RAB37: variants seen among roughly 807,000 people sequenced by gnomAD.
RAB37 encodes the protein ras-related protein Rab-37.
A neutral mutation model predicts 33.1 loss-of-function variants in RAB37; 29 were observed. The ratio of observed to expected loss-of-function variants is 0.88; its 90% CI spans 0.65 to 1.20. The LOEUF is 1.20. RAB37 is among the 50% of genes most tolerant of loss of function. RAB37 has a pLI of 0.00. For synonymous variants in RAB37, 128 were observed against 119.5 expected, an observed-to-expected ratio of 1.07 and a Z score of -0.47; for missense variants, 299 against 301.1, an observed-to-expected ratio of 0.99 and a Z score of 0.05.
At chr17:74,740,210 C>CAA (rs547885619) in intron 1 of RAB37, among the ~76,000 whole-genome samples, 6 of 141,964 alleles carry the variant, frequency 4.2e-5, no homozygotes, top group East Asian at 2.0e-4. Flanking sequence ...TGTTGTGACA[C>CAA]AAAAAAAAAA....
At chr17:74,736,950 C>G (rs2034485291), upstream of RAB37, 44 of 1,523,974 alleles carry the variant, frequency 2.9e-5, no homozygotes, top group South Asian at 4.4e-4. Context: ...AGACGGGGTC[C>G]CCGCGGCCCG....
intron 1 of RAB37, among the ~76,000 whole-genome samples, chr17:74,698,184 T>C (rs2032689154): frequency 6.6e-6 from 1 of 152,130 alleles, no homozygotes; most frequent in Non-Finnish European, 1.5e-5. Flanking sequence ...TGCCAAAACC[T>C]CCTGGGGCTC....
At chr17:74,741,210 C>T (rs1232713271) in intron 2 of RAB37, among the ~76,000 whole-genome samples, 1 of 152,092 alleles carries the variant, frequency 6.6e-6, no homozygotes, top group African/African-American at 2.4e-5. Flanking sequence ...CATTGCTCTC[C>T]TACCTGGGCC....
At chr17:74,689,821 A>G (rs1302776574) in intron 1 of RAB37, among the ~76,000 whole-genome samples, 1 of 144,546 alleles carries the variant, frequency 6.9e-6, no homozygotes, top group African/African-American at 2.5e-5. Flanking sequence ...TATCTTACTC[A>G]TGGATTTTGG....
At chr17:74,682,085 T>G (rs2031965887) in intron 1 of RAB37, among the ~76,000 whole-genome samples, 1 of 152,228 alleles carries the variant, frequency 6.6e-6, no homozygotes, top group Non-Finnish European at 1.5e-5. Context: ...AAAACTTGCA[T>G]ATAAATCATT....
At chr17:74,708,656 C>T (rs2033706652) in intron 1 of RAB37, among the ~76,000 whole-genome samples, 1 of 152,328 alleles carries the variant, frequency 6.6e-6, no homozygotes, top group East Asian at 1.9e-4. Flanking sequence ...GTGGCTTACA[C>T]CGGTAATCCC....
chr17:74,716,032 C>T lies in RAB37; in HGVS notation c.73-13224C>T, dbSNP rs562753888. Reference sequence around the variant, plus strand: ...TGGGTAACTGAGCAACACACTGTCTCAAAAAGAAAAAGCAGAGAATTCGCC... The same window carrying T: ...TGGGTAACTGAGCAACACACTGTCTTAAAAAGAAAAAGCAGAGAATTCGCC... On this transcript the variant is annotated intron_variant, in intron 1 of 7. Transcript: ENST00000340415. 1.1e-3 allele frequency among the ~76,000 whole-genome samples: 160 copies of T among 152,222 alleles called. 1 individual carries two copies. Among genetic ancestry groups the T allele is most frequent in the African/African-American group, 3.5e-3 (146 of 41,534 alleles).
chr17:74,735,580 A>G (rs115815846), upstream of RAB37, among the ~76,000 whole-genome samples: 1,062 of 152,316 alleles, frequency 7.0e-3, 11 homozygotes, highest in African/African-American at 0.024. Context: ...ATTTGCAGCA[A>G]GAGCCTCTGG....
Position 74,730,329 on chromosome 17 carries a change from G to A in RAB37, c.183+963G>A, listed in dbSNP as rs1390371593. Among the ~76,000 whole-genome samples, 1 of 152,180 alleles carries A rather than the reference G, an allele frequency of 6.6e-6. No homozygotes were observed. Among genetic ancestry groups the A allele is most frequent in the Admixed American group, 6.5e-5 (1 of 15,290 alleles). ...TCACGCTCAGGGTCAGGACGCAGCA[G>A]TGCCACACTGATGGGAAGAGAGAGA... On this transcript the variant is annotated intron_variant, in intron 2 of 7. Transcript: ENST00000340415. This position sits in a 1 kb window ranked among gnomAD's most constrained non-coding sequence, Gnocchi z 4.4.
chr17:74,724,472 G>A (rs774209232), intron 1 of RAB37, among the ~76,000 whole-genome samples: 2 of 152,186 alleles, frequency 1.3e-5, no homozygotes, highest in Non-Finnish European at 2.9e-5. Flanking sequence ...GATTTTGGGG[G>A]CCTAAGATAT....
upstream of RAB37, chr17:74,736,758 A>G (rs1195089029): frequency 2.6e-6 from 4 of 1,535,510 alleles, no homozygotes; most frequent in East Asian, 4.9e-5. Flanking sequence ...AAACAAAACT[A>G]TATTCAGATG....
chr17:74,719,779 A>G (rs966152290), intron 1 of RAB37, among the ~76,000 whole-genome samples: 5 of 152,200 alleles, frequency 3.3e-5, no homozygotes, highest in Non-Finnish European at 7.3e-5. Context: ...GGCCTCCCCA[A>G]GCACTGGAAT....
chr17:74,739,420 G>T (rs187693746), intron 1 of RAB37, among the ~76,000 whole-genome samples: 3 of 151,812 alleles, frequency 2.0e-5, no homozygotes, highest in Admixed American at 2.0e-4. Context: ...CCGGGATGCC[G>T]ATCTGCAGCC....
At chr17:74,698,063 C>T (rs1448268557) in intron 1 of RAB37, among the ~76,000 whole-genome samples, 1 of 152,180 alleles carries the variant, frequency 6.6e-6, no homozygotes, top group Admixed American at 6.5e-5. Context: ...CTGGACCACC[C>T]ACCTAAGACC....
intron 1 of RAB37, among the ~76,000 whole-genome samples, chr17:74,708,048 T>C (rs2033655058): frequency 6.7e-6 from 1 of 149,050 alleles, no homozygotes; most frequent in Non-Finnish European, 1.5e-5. Context: ...CTTGGGAGAC[T>C]GAGACAGGAG....
chr17:74,726,232 CT>C (rs1445650427), intron 1 of RAB37, among the ~76,000 whole-genome samples: 17 of 118,334 alleles, frequency 1.4e-4, no homozygotes, highest in African/African-American at 6.1e-4. Flanking sequence ...GAGACTCTGC[CT>C]AAAAAAAAAA....
rs192356336 is a variant in RAB37 at position 74,683,534 on chromosome 17, C to T, written c.72+11876C>T. On this transcript the variant is annotated intron_variant, in intron 1 of 7. Coordinates refer to the RAB37 transcript ENST00000340415. ...GTATGCCACCTACAAAGTCACATAA[C>T]GCCCTGCACTTAGAAGGGCCCTGCA... Among the ~76,000 whole-genome samples, 133 of 152,352 alleles carry T rather than the reference C, an allele frequency of 8.7e-4. 1 individual carries two copies. Among genetic ancestry groups the T allele is most frequent in the Non-Finnish European group, 1.2e-3 (82 of 68,038 alleles).
At chr17:74,722,506 G>A (rs961946026) in intron 1 of RAB37, among the ~76,000 whole-genome samples, 1 of 152,124 alleles carries the variant, frequency 6.6e-6, no homozygotes, top group African/African-American at 2.4e-5. Flanking sequence ...CCAGATTACT[G>A]AAGACTTAAA....
intron 1 of RAB37, chr17:74,704,681 C>G (rs545135472): frequency 1.2e-6 from 2 of 1,614,072 alleles, no homozygotes; most frequent in Admixed American, 1.7e-5. Flanking sequence ...CTTGCAGTCA[C>G]GCCAAATAGC....
Sources: gnomAD v4.1 joint callset for allele counts (sites outside exome capture counted in the v4.1 genomes callset) on GRCh38, gnomAD v4.1.1 for gene constraint, Gnocchi (gnomAD v3.1) non-coding constraint, MANE v1.5 for transcripts, NCBI Gene and HGNC (gene_info 2026-07-23, HGNC 2026-07-21) for gene names.